PALD1: variants seen among roughly 807,000 people sequenced by gnomAD.
The protein encoded by PALD1 is paladin.
PALD1 carries 57 observed loss-of-function variants against 96.0 expected under a neutral mutation model. That is an observed-to-expected ratio of 0.59 (90% confidence interval 0.48 to 0.74). The LOEUF (loss-of-function observed/expected upper bound fraction) is 0.74. Ranked by LOEUF, PALD1 falls within the 30% of genes least tolerant of loss-of-function variation. PALD1 has a pLI of 0.00. For missense variants in PALD1, 1,063 were observed against 1,143.7 expected, an observed-to-expected ratio of 0.93 and a Z score of 1.02; for synonymous variants, 464 against 473.6, an observed-to-expected ratio of 0.98 and a Z score of 0.26.
At chr10:70,502,708 C>T (rs1564688125) in intron 1 of PALD1, among the ~76,000 whole-genome samples, 2 of 152,124 alleles carry the variant, frequency 1.3e-5, no homozygotes, top group Non-Finnish European at 2.9e-5. Flanking sequence ...AAAAAGGCCA[C>T]TTTAAAGATA....
chr10:70,519,058 CCTGTT>C lies in PALD1; in HGVS notation c.-29-6860_-29-6856del, dbSNP rs774075641. Among the ~76,000 whole-genome samples the C allele has an allele frequency of 3.9e-5, 6 of 152,310 alleles. No homozygotes were observed. In the South Asian group the frequency reaches 1.0e-3, roughly 26 times the overall value. On this transcript the variant is annotated intron_variant, in intron 1 of 19. Coordinates refer to ENST00000263563, the MANE Select transcript of PALD1 (RefSeq NM_014431.3). ...TGTGTGAATGGGGGCATATCACTCTCCTGTTCTGTGCCTCAGTTGCCTCATCTGTG... is the reference window on the plus strand; with the variant it reads ...TGTGTGAATGGGGGCATATCACTCTCCTGTGCCTCAGTTGCCTCATCTGTG...
chr10:70,514,598 G>A (rs2132325462), intron 1 of PALD1, among the ~76,000 whole-genome samples: 1 of 152,244 alleles, frequency 6.6e-6, no homozygotes, highest in Middle Eastern at 3.4e-3. Flanking sequence ...CCTCCATGAA[G>A]CCTGTCACCT....
chr10:70,472,848 G>C, the PALD1 span, among the ~76,000 whole-genome samples: 1 of 152,130 alleles, frequency 6.6e-6, no homozygotes, highest in African/African-American at 2.4e-5. Context: ...GCATTGGAGA[G>C]GAATCTTCTG....
intron 1 of PALD1, among the ~76,000 whole-genome samples, chr10:70,481,465 A>T (rs189999229): frequency 6.6e-6 from 1 of 152,212 alleles, no homozygotes; most frequent in African/African-American, 2.4e-5. Flanking sequence ...ACTCAGAGTC[A>T]TTTGGCCTCT....
chr10:70,459,620 A>G, the PALD1 span, among the ~76,000 whole-genome samples: 1 of 152,178 alleles, frequency 6.6e-6, no homozygotes, highest in Non-Finnish European at 1.5e-5. Flanking sequence ...CAGACTCCAA[A>G]CAGCCTGCTG....
intron 18 of PALD1, among the ~76,000 whole-genome samples, chr10:70,563,745 A>G (rs1847786561): frequency 6.6e-6 from 1 of 152,148 alleles, no homozygotes; most frequent in Admixed American, 6.5e-5. Context: ...AGGCTGGAGG[A>G]TGAACTCACC....
intron 1 of PALD1, among the ~76,000 whole-genome samples, chr10:70,510,977 C>A (rs1025645582): frequency 2.0e-5 from 3 of 152,126 alleles, no homozygotes; most frequent in Non-Finnish European, 1.5e-5. Flanking sequence ...GTTCTGTGAA[C>A]CACACACTTG....
upstream of PALD1, chr10:70,478,687 G>T (rs1351279513): frequency 6.6e-6 from 1 of 152,010 alleles, no homozygotes; most frequent in Non-Finnish European, 1.5e-5. Flanking sequence ...TGAGCCCCCC[G>T]CCCCTCGCGG....
intron 1 of PALD1, among the ~76,000 whole-genome samples, chr10:70,482,936 G>A (rs1222280107): frequency 6.6e-6 from 1 of 152,176 alleles, no homozygotes; most frequent in African/African-American, 2.4e-5. Context: ...CAGGATGCTT[G>A]CACAGGACCA....
chr10:70,534,910 CA>C, intron 10 of PALD1, 67 bp downstream of exon 10: 1 of 1,059,642 alleles, frequency 9.4e-7, no homozygotes, highest in Non-Finnish European at 1.4e-6. Flanking sequence ...TTTCATTAGG[CA>C]TGTTGACTGG....
At chr10:70,465,099 C>T in the PALD1 span, among the ~76,000 whole-genome samples, 3 of 151,990 alleles carry the variant, frequency 2.0e-5, no homozygotes, top group East Asian at 1.9e-4. Context: ...CTCAGCCTCC[C>T]GAGTAGCTGG....
At chr10:70,490,222 C>CCT (rs370799282) in intron 1 of PALD1, among the ~76,000 whole-genome samples, 16 of 150,176 alleles carry the variant, frequency 1.1e-4, no homozygotes, top group East Asian at 3.9e-4. Flanking sequence ...CACGCCTGGC[C>CCT]CTCTCTCTCT....
At chr10:70,500,300 C>A (rs1261098393) in intron 1 of PALD1, among the ~76,000 whole-genome samples, 2 of 152,130 alleles carry the variant, frequency 1.3e-5, no homozygotes, top group Non-Finnish European at 2.9e-5. Flanking sequence ...GTGCCTCCTC[C>A]CTGCAGCCCC....
chr10:70,566,652 C>T lies in PALD1; in HGVS notation c.2490C>T (p.Asp830=). 2 of 1,609,786 alleles carry T rather than the reference C, an allele frequency of 1.2e-6. No individual in the cohort carries two copies. Among genetic ancestry groups the T allele is most frequent in the Non-Finnish European group, 8.5e-7 (1 of 1,178,652 alleles). Residue 830 remains aspartate, a synonymous_variant, in exon 20 of 20, where the codon GAC becomes GAT. Transcript: ENST00000263563. The part of the protein sequence containing the change: ...LGFPELESGE[D]QPFSRLRYRW... The stretch of plus-strand genomic sequence containing the variant: ...TCCCCGAGCTGGAGAGCGGGGAGGA[C>T]CAGCCCTTCTCCAGGCTGCGCTACC...
chr10:70,484,583 A>G (rs185738715), intron 1 of PALD1, among the ~76,000 whole-genome samples: 1 of 151,430 alleles, frequency 6.6e-6, no homozygotes, highest in Non-Finnish European at 1.5e-5. Flanking sequence ...TCTGTTACCC[A>G]GGCTGGAGTG....
chr10:70,476,244 G>C (rs921828481), upstream of PALD1, among the ~76,000 whole-genome samples: 1 of 152,202 alleles, frequency 6.6e-6, no homozygotes, highest in Non-Finnish European at 1.5e-5. Context: ...GGCTCAAATG[G>C]GCTCAACTGA....
At chr10:70,537,075 CTTTGTA>C (rs1415690834) in intron 10 of PALD1, among the ~76,000 whole-genome samples, 1 of 151,228 alleles carries the variant, frequency 6.6e-6, no homozygotes, top group African/African-American at 2.4e-5. Context: ...CTGTGAGGGT[CTTTGTA>C]TTTGTATTTT....
chr10:70,528,105 T>C (rs1412710218), intron 2 of PALD1, among the ~76,000 whole-genome samples: 8 of 151,964 alleles, frequency 5.3e-5, no homozygotes, highest in Non-Finnish European at 1.2e-4. Flanking sequence ...ACAAAGGACG[T>C]GAATTCATCA....
chr10:70,525,892 C>T, intron 1 of PALD1, 31 bp from the exon 2 acceptor site: 1 of 1,581,342 alleles, frequency 6.3e-7, no homozygotes, highest in Admixed American at 1.7e-5. Context: ...TTCCCATCCC[C>T]TCCTTCACTG....
Sources: gnomAD v4.1 joint callset for allele counts (sites outside exome capture counted in the v4.1 genomes callset) on GRCh38, gnomAD v4.1.1 for gene constraint, MANE v1.5 for transcripts, NCBI Gene and HGNC (gene_info 2026-07-23, HGNC 2026-07-21) for gene names.